DNAJC7: variants seen among roughly 807,000 people sequenced by gnomAD.
The protein encoded by DNAJC7 is dnaJ homolog subfamily C member 7.
Under a neutral mutation model 67.4 loss-of-function variants are expected in DNAJC7, and 18 were observed. The ratio of observed to expected loss-of-function variants is 0.27; its 90% CI spans 0.18 to 0.40. The LOEUF (loss-of-function observed/expected upper bound fraction) is 0.40, where lower values mean the gene tolerates loss of function less well. Ranked by LOEUF, DNAJC7 falls within the 10% of genes least tolerant of loss-of-function variation. The pLI is 1.00. For missense variants in DNAJC7, 419 were observed against 613.8 expected (o/e 0.68, Z 3.35); for synonymous variants, 220 against 207.8 (o/e 1.06, Z -0.50).
At chr17:41,982,230 A>G in intron 11 of DNAJC7, 25 bp downstream of exon 11, 1 of 1,613,478 alleles carries the variant, frequency 6.2e-7, no homozygotes, top group South Asian at 1.1e-5. Context: ...CTTCCCACTG[A>G]GCCCACTCCC....
chr17:41,981,558 G>C (rs530701041), intron 12 of DNAJC7: 1 of 288,566 alleles, frequency 3.5e-6, no homozygotes, highest in Non-Finnish European at 6.5e-6. Flanking sequence ...TCAAACTCCT[G>C]ACCTCAAGTG....
chr17:41,996,806 C>G (rs1555648723), intron 3 of DNAJC7, among the ~76,000 whole-genome samples: 2 of 152,040 alleles, frequency 1.3e-5, no homozygotes, highest in African/African-American at 4.8e-5. Flanking sequence ...AACAAACGAA[C>G]AAAACTAACA....
At chr17:41,982,751 G>A (rs1305483166) in intron 10 of DNAJC7, among the ~76,000 whole-genome samples, 1 of 152,164 alleles carries the variant, frequency 6.6e-6, no homozygotes, top group East Asian at 1.9e-4. Flanking sequence ...CCGAGGTCAG[G>A]AGTTCGGGAC....
rs782144385 is a variant in DNAJC7 at position 41,988,692 on chromosome 17, A to G, written c.918+40T>C. 9.7e-6 allele frequency: 15 copies of G among 1,546,928 alleles called. 1 individual carries two copies. In the South Asian group the frequency reaches 1.8e-4, roughly 18 times the overall value. On this transcript the variant is annotated intron_variant, in intron 8 of 13. Transcript: ENST00000457167. ...CCAAGACCCTTTGATGTCCCTTAAA[A>G]ATATTTCTATAGGCCCCAAGATCTA...
intron 2 of DNAJC7, 74 bp downstream of exon 2, chr17:42,000,408 C>CTG: frequency 9.2e-7 from 1 of 1,088,992 alleles, no homozygotes; most frequent in Non-Finnish European, 1.2e-6. Flanking sequence ...CGTGAGCCAC[C>CTG]AGGACTTGGC....
In DNAJC7 at chr17:41,988,791, G is replaced by C; in HGVS notation, c.859C>G (p.Pro287Ala). The C allele has an allele frequency of 6.2e-7, 1 of 1,613,014 alleles. No individual in the cohort carries two copies. The highest frequency in any genetic ancestry group is 8.5e-7 in the Non-Finnish European group (1 of 1,179,536). The change falls in exon 8 of 14, where the codon CCC (proline) becomes GCC (alanine). Residue 287 changes from proline (P) to alanine (A), a missense_variant. Transcript: ENST00000457167. ...TTAGCATTTGTTTTTATATTGTTGG[G>C]GTCTATCCCCAGGGCTTCTGTGTAC... ...ELYTEALGID[P>A]NNIKTNAKLY...
Position 41,976,494 on chromosome 17 carries a change from T to G in DNAJC7, c.*239A>C. ...TTTCTTTTTTAATAAAGTTAAACAG[T>G]AAAACAAAAATTCACAAGCTGCCTC... On this transcript the variant is annotated 3_prime_UTR_variant, in exon 14 of 14. Transcript: ENST00000457167. 2.0e-6 allele frequency: 1 copy of G among 511,666 alleles called. No individual in the cohort carries two copies. Among genetic ancestry groups the G allele is most frequent in the Non-Finnish European group, 3.4e-6 (1 of 295,626 alleles). The allele number at this position is 511,666 out of a possible 1,614,324, so 31.7% of individuals were successfully genotyped here.
chr17:42,007,196 C>G (rs1300917775), intron 1 of DNAJC7, among the ~76,000 whole-genome samples: 3 of 152,018 alleles, frequency 2.0e-5, no homozygotes, highest in Non-Finnish European at 4.4e-5. Context: ...ATCCCTTATG[C>G]ATTCCTCTTA....
intron 1 of DNAJC7, chr17:42,014,366 C>G (rs1598157985): frequency 1.3e-5 from 2 of 151,916 alleles, no homozygotes; most frequent in African/African-American, 4.8e-5. Flanking sequence ...TGGGGTTTCA[C>G]CATGTTGGCC....
chr17:41,983,111 A>C (rs1387235686), intron 10 of DNAJC7, among the ~76,000 whole-genome samples: 1 of 151,770 alleles, frequency 6.6e-6, no homozygotes, highest in Non-Finnish European at 1.5e-5. Flanking sequence ...ATATCTGTTC[A>C]CTTTTTTTTT....
At chr17:41,982,491 C>T in intron 10 of DNAJC7, 90 bp from the exon 11 acceptor site, 2 of 1,499,028 alleles carry the variant, frequency 1.3e-6, no homozygotes, top group South Asian at 1.3e-5. Flanking sequence ...AGTTAGAGGC[C>T]TTGTTAACCA....
chr17:41,997,504 T>C (rs1421185367), intron 2 of DNAJC7, among the ~76,000 whole-genome samples: 2 of 151,346 alleles, frequency 1.3e-5, no homozygotes, highest in Non-Finnish European at 2.9e-5. Flanking sequence ...GGCTGAAGCA[T>C]AAGAATTGCT....
chr17:42,008,250 T>G (rs2052022214), intron 1 of DNAJC7, among the ~76,000 whole-genome samples: 1 of 147,436 alleles, frequency 6.8e-6, no homozygotes, highest in African/African-American at 2.5e-5. Flanking sequence ...AGGCGGAGGT[T>G]GCAGTGAGCC....
At chr17:42,005,260 G>A (rs2051916814) in intron 1 of DNAJC7, among the ~76,000 whole-genome samples, 2 of 152,122 alleles carry the variant, frequency 1.3e-5, no homozygotes, top group Non-Finnish European at 2.9e-5. Flanking sequence ...GACAACTTGG[G>A]CTTATGGTTG....
intron 1 of DNAJC7, among the ~76,000 whole-genome samples, chr17:42,008,487 G>C (rs868965256): frequency 8.8e-4 from 132 of 150,764 alleles, no homozygotes; most frequent in African/African-American, 3.1e-3. Flanking sequence ...TCGGCTCATT[G>C]CAAGCTCCGC....
intron 9 of DNAJC7, chr17:41,984,338 C>G (rs1364895122): frequency 2.1e-5 from 3 of 141,356 alleles, no homozygotes; most frequent in Admixed American, 7.5e-5. Context: ...GAGTCTCGCT[C>G]TGTTGCCCAG....
intron 1 of DNAJC7, among the ~76,000 whole-genome samples, chr17:42,012,534 C>G (rs2052148277): frequency 6.6e-6 from 1 of 152,114 alleles, no homozygotes; most frequent in African/African-American, 2.4e-5. Context: ...GAAAGACTCC[C>G]TATAGAGATC....
chr17:41,989,514 C>T lies in DNAJC7; in HGVS notation c.643G>A (p.Val215Ile). 3 of 1,614,036 alleles carry T rather than the reference C, an allele frequency of 1.9e-6. No homozygotes were observed. Among genetic ancestry groups the T allele is most frequent in the Non-Finnish European group, 2.5e-6 (3 of 1,179,914 alleles). Reference sequence around the variant, plus strand: ...TCGTAATAAAGGCAAAGACCTCGTACATACAGAGCATCTGCATTGGTGGAA... The same window carrying T: ...TCGTAATAAAGGCAAAGACCTCGTATATACAGAGCATCTGCATTGGTGGAA... ...MDSTNADALY[V>I]RGLCLYYEDC... is the part of the protein sequence containing the mutation. Residue 215 changes from valine (V) to isoleucine (I), a missense_variant, in exon 7 of 14, where the codon GTA (valine) becomes ATA (isoleucine). Around this residue, in one of 4 missense-constraint regions of DNAJC7, gnomAD observed 179 missense variants for 249.7 expected, o/e 0.72. Transcript: ENST00000457167.
intron 7 of DNAJC7, 109 bp from the exon 8 acceptor site, chr17:41,989,005 T>G (rs1555647289): frequency 7.4e-7 from 1 of 1,354,020 alleles, no homozygotes; most frequent in East Asian, 2.4e-5. Flanking sequence ...CAGTTCAGCA[T>G]CACAGAGCCC....
Sources: allele counts gnomAD v4.1 joint callset (sites outside exome capture counted in the v4.1 genomes callset), GRCh38; gene constraint gnomAD v4.1.1; regional missense constraint gnomAD v4.1.1; transcripts MANE v1.5; gene names NCBI Gene and HGNC (gene_info 2026-07-23, HGNC 2026-07-21).